Variants in CDH11 observed in about 807,000 individuals in gnomAD.
The protein encoded by CDH11 is cadherin 11.
A neutral mutation model predicts 67.8 loss-of-function variants in CDH11; 11 were observed. The observed-to-expected ratio is 0.16, with a 90% CI of 0.10 to 0.27. CDH11 has a LOEUF of 0.27. Among genes scored for constraint, CDH11 ranks in the 10% least tolerant of loss-of-function variants. The probability of loss-of-function intolerance (pLI) is 1.00; values close to 1 mark genes in which losing one functional copy is unlikely to be tolerated. For missense variants in CDH11, 847 were observed against 1,031.2 expected, an observed-to-expected ratio of 0.82 and a Z score of 2.45; for synonymous variants, 419 against 400.0, an observed-to-expected ratio of 1.05 and a Z score of -0.57.
intron 7 of CDH11, chr16:64,982,519 A>C: frequency 1.9e-6 from 1 of 526,270 alleles, no homozygotes; most frequent in East Asian, 3.1e-5. Context: ...AGCACAACAG[A>C]CACAGAAAGA....
intron 2 of CDH11, among the ~76,000 whole-genome samples, chr16:65,011,590 T>G (rs1483376255): frequency 3.9e-5 from 6 of 152,172 alleles, no homozygotes; most frequent in African/African-American, 1.4e-4. Flanking sequence ...TTAAGTACAA[T>G]GTGTGCAATG....
At chr16:65,113,358 T>TTC (rs2142888172) in intron 1 of CDH11, among the ~76,000 whole-genome samples, 1 of 152,196 alleles carries the variant, frequency 6.6e-6, no homozygotes, top group East Asian at 1.9e-4. Context: ...AAGAGCACAG[T>TTC]TCTGTTCCAT....
At chr16:65,110,169 C>G (rs2075132291) in intron 1 of CDH11, among the ~76,000 whole-genome samples, 1 of 152,184 alleles carries the variant, frequency 6.6e-6, no homozygotes, top group Non-Finnish European at 1.5e-5. Context: ...TTGCACCCAG[C>G]CTATTCAATG....
chr16:64,989,184 T>A (rs1380653971), intron 6 of CDH11, among the ~76,000 whole-genome samples: 1 of 150,650 alleles, frequency 6.6e-6, no homozygotes, highest in African/African-American at 2.4e-5. Flanking sequence ...GTTCTGAGAG[T>A]GGGTGTGTGG....
At chr16:65,048,541 G>T (rs917535201) in intron 2 of CDH11, among the ~76,000 whole-genome samples, 2 of 151,978 alleles carry the variant, frequency 1.3e-5, no homozygotes, top group Non-Finnish European at 2.9e-5. Flanking sequence ...GCGTGTGTGT[G>T]TGTGTATATA....
At chr16:65,098,074 T>C (rs893667038) in intron 1 of CDH11, among the ~76,000 whole-genome samples, 1 of 151,994 alleles carries the variant, frequency 6.6e-6, no homozygotes, top group Non-Finnish European at 1.5e-5. Context: ...CTCAACACGA[T>C]GGAGAAAATC....
chr16:64,975,196 A>G, intron 8 of CDH11, among the ~76,000 whole-genome samples: 1 of 152,218 alleles, frequency 6.6e-6, no homozygotes, highest in East Asian at 1.9e-4. Flanking sequence ...AGTGACTCAC[A>G]CATTGCAACC....
chr16:64,995,813 T>G (rs2072748896), intron 4 of CDH11, among the ~76,000 whole-genome samples: 1 of 152,014 alleles, frequency 6.6e-6, no homozygotes, highest in African/African-American at 2.4e-5. Flanking sequence ...AGAGACAACC[T>G]ACAGAATGGG....
rs545074240 is a variant in CDH11, at chr16:65,121,291, A to G, written c.-298+589T>C. ...CAGTCGGCGGCCCCAAACCCACGCT[A>G]TTAAAGTGCGGGCAATCTCCTTCCG... On this transcript the variant is annotated intron_variant, in intron 1 of 12. Transcript: ENST00000268603. This position sits in a 1 kb window ranked among gnomAD's most constrained non-coding sequence, Gnocchi z 4.1. Among the ~76,000 whole-genome samples the G allele has an allele frequency of 5.9e-5, 9 of 152,256 alleles. No homozygotes were observed. The South Asian group carries it at 1.5e-3, about 25-fold the overall frequency.
intron 11 of CDH11, among the ~76,000 whole-genome samples, chr16:64,965,012 C>T (rs778696842): frequency 4.0e-5 from 6 of 151,854 alleles, no homozygotes; most frequent in Admixed American, 6.6e-5. Flanking sequence ...TCATCATTTA[C>T]GTTAGGCATA....
intron 2 of CDH11, chr16:65,007,178 T>C (rs1597084661): frequency 6.6e-6 from 1 of 152,226 alleles, no homozygotes; most frequent in Non-Finnish European, 1.5e-5. Flanking sequence ...TTGATGAACT[T>C]TGACTTTGCC....
chr16:64,964,169 T>C (rs1001940707), intron 11 of CDH11, among the ~76,000 whole-genome samples: 1 of 152,260 alleles, frequency 6.6e-6, no homozygotes, highest in African/African-American at 2.4e-5. Flanking sequence ...AGTTGCTTAG[T>C]GACAGGGAAG....
In CDH11 at chr16:65,121,841, C is replaced by G. The variant is rs905652970; in HGVS notation, c.-298+39G>C. 1 of 701,866 alleles carries G rather than the reference C, an allele frequency of 1.4e-6. No homozygotes were observed. The highest frequency in any genetic ancestry group is 1.7e-5 in the African/African-American group (1 of 57,244). The allele number at this position is 701,866 out of a possible 1,614,324, so 43.5% of individuals were successfully genotyped here. ...ATCCTGCCCCCCATTCCAAGAAGCC[C>G]CAACCAGGCGAGAGGAAGGGACTGG... On this transcript the variant is annotated intron_variant, in intron 1 of 12. Coordinates refer to ENST00000268603, the MANE Select transcript of CDH11 (RefSeq NM_001797.4). The surrounding 1 kb of genome is among the most constrained non-coding windows in gnomAD (Gnocchi z 4.1).
intron 1 of CDH11, among the ~76,000 whole-genome samples, chr16:65,069,893 C>T (rs1026907124): frequency 6.6e-6 from 1 of 152,166 alleles, no homozygotes; most frequent in Non-Finnish European, 1.5e-5. Context: ...GGACCAGGGA[C>T]ACGGTGATGA....
chr16:65,109,265 ACT>A (rs2075118044), intron 1 of CDH11, among the ~76,000 whole-genome samples: 1 of 152,150 alleles, frequency 6.6e-6, no homozygotes, highest in Non-Finnish European at 1.5e-5. Context: ...ATGAGGTTGT[ACT>A]CTCTGACCCA....
At chr16:65,085,298 G>A (rs2074677323) in intron 1 of CDH11, among the ~76,000 whole-genome samples, 1 of 152,216 alleles carries the variant, frequency 6.6e-6, no homozygotes, top group Non-Finnish European at 1.5e-5. Context: ...AAGCATGATA[G>A]AAAAGTAATT....
At chr16:64,949,024 G>A (rs796702807) in intron 12 of CDH11, among the ~76,000 whole-genome samples, 8 of 152,328 alleles carry the variant, frequency 5.3e-5, no homozygotes, top group African/African-American at 1.4e-4. Context: ...CCTGGACTTC[G>A]TGTGGCTCCC....
At chr16:64,966,489 A>G (rs1281011149) in intron 11 of CDH11, among the ~76,000 whole-genome samples, 1 of 151,998 alleles carries the variant, frequency 6.6e-6, no homozygotes, top group African/African-American at 2.4e-5. Flanking sequence ...GTATAAAATT[A>G]TTAAAGAAAA....
intron 2 of CDH11, among the ~76,000 whole-genome samples, chr16:65,043,357 G>T (rs756158846): frequency 2.0e-5 from 3 of 151,504 alleles, no homozygotes; most frequent in Non-Finnish European, 2.9e-5. Flanking sequence ...ATGTTTACTA[G>T]GGGGTACCCT....
Sources: allele counts gnomAD v4.1 joint callset (sites outside exome capture counted in the v4.1 genomes callset), GRCh38; gene constraint gnomAD v4.1.1; non-coding constraint Gnocchi (gnomAD v3.1); transcripts MANE v1.5; gene names NCBI Gene and HGNC (gene_info 2026-07-23, HGNC 2026-07-21).